Variants in SLC1A3 observed in about 807,000 individuals in gnomAD.
The protein encoded by SLC1A3 is solute carrier family 1 member 3.
Under a neutral mutation model 48.1 loss-of-function variants are expected in SLC1A3, and 21 were observed. The observed-to-expected ratio is 0.44, with a 90% CI of 0.31 to 0.63. The LOEUF (loss-of-function observed/expected upper bound fraction) is 0.63, where lower values mean the gene tolerates loss of function less well. Ranked by LOEUF, SLC1A3 falls within the 20% of genes least tolerant of loss-of-function variation. The probability of loss-of-function intolerance (pLI) is 0.08; values close to 1 mark genes in which losing one functional copy is unlikely to be tolerated. For synonymous variants in SLC1A3, 239 were observed against 251.4 expected, an observed-to-expected ratio of 0.95 and a Z score of 0.47; for missense variants, 546 against 689.0, an observed-to-expected ratio of 0.79 and a Z score of 2.32.
chr5:36,665,272 T>A (rs578044824), intron 3 of SLC1A3, among the ~76,000 whole-genome samples: 66 of 150,006 alleles, frequency 4.4e-4, no homozygotes, highest in Admixed American at 1.9e-3. Flanking sequence ...AAAACACTAA[T>A]AAGAATGGCT....
intron 2 of SLC1A3, among the ~76,000 whole-genome samples, chr5:36,615,935 C>T (rs534500586): frequency 2.0e-5 from 3 of 152,328 alleles, no homozygotes; most frequent in South Asian, 2.1e-4. Context: ...CAGTGGCTCA[C>T]GCCTGTAATC....
At chr5:36,629,409 G>C (rs571679297) in intron 2 of SLC1A3, 41 bp from the exon 3 acceptor site, 6 of 1,570,920 alleles carry the variant, frequency 3.8e-6, no homozygotes, top group South Asian at 3.4e-5. Context: ...TTTCAAAAAA[G>C]ACTCAATTTT....
chr5:36,625,196 G>A (rs957841275), intron 2 of SLC1A3, among the ~76,000 whole-genome samples: 5 of 152,226 alleles, frequency 3.3e-5, no homozygotes, highest in African/African-American at 9.7e-5. Context: ...AGTGGCTCAC[G>A]CCTGTAATCC....
At chr5:36,673,959 C>G in intron 4 of SLC1A3, 90 bp from the exon 5 acceptor site, 2 of 1,011,760 alleles carry the variant, frequency 2.0e-6, no homozygotes, top group Non-Finnish European at 3.2e-6. Context: ...TGGTTCAATG[C>G]AATCTTTACC....
At chr5:36,685,999 C>T (rs908061237) in intron 9 of SLC1A3, 66 bp from the exon 10 acceptor site, 137 of 1,321,156 alleles carry the variant, frequency 1.0e-4, no homozygotes, top group Middle Eastern at 2.3e-4. Context: ...CAGTTCCTAA[C>T]GTAAGTTGAA....
chr5:36,625,777 T>C (rs114227754), intron 2 of SLC1A3, among the ~76,000 whole-genome samples: 88 of 152,314 alleles, frequency 5.8e-4, no homozygotes, highest in African/African-American at 1.9e-3. Context: ...AGAGAAGAGA[T>C]GTCCTACTTT....
chr5:36,678,703 G>C (rs762840237), intron 6 of SLC1A3, among the ~76,000 whole-genome samples: 13 of 152,176 alleles, frequency 8.5e-5, no homozygotes, highest in Non-Finnish European at 1.9e-4. Context: ...GGGAAATCCA[G>C]GCAGCGAGGC....
upstream of SLC1A3, among the ~76,000 whole-genome samples, chr5:36,601,850 T>C (rs1278251853): frequency 1.3e-5 from 2 of 152,080 alleles, no homozygotes; most frequent in Non-Finnish European, 1.5e-5. Flanking sequence ...AGTCTTAGAA[T>C]TGGAAATGGA....
intron 2 of SLC1A3, among the ~76,000 whole-genome samples, chr5:36,621,439 T>C (rs939678100): frequency 2.6e-5 from 4 of 152,092 alleles, no homozygotes; most frequent in African/African-American, 9.7e-5. Context: ...GTCTTGGGCT[T>C]TGACTACATG....
At chr5:36,662,202 T>C (rs971501612) in intron 3 of SLC1A3, among the ~76,000 whole-genome samples, 4 of 152,220 alleles carry the variant, frequency 2.6e-5, no homozygotes, top group Non-Finnish European at 5.9e-5. Flanking sequence ...TCAGTGGTCC[T>C]GGTGCTGCTG....
intron 5 of SLC1A3, among the ~76,000 whole-genome samples, chr5:36,674,677 T>A (rs1296049258): frequency 6.6e-6 from 1 of 152,170 alleles, no homozygotes; most frequent in Non-Finnish European, 1.5e-5. Context: ...ATGGGGCAGC[T>A]CATCTATAAG....
chr5:36,633,829 C>T (rs947722292), intron 3 of SLC1A3, among the ~76,000 whole-genome samples: 1 of 152,224 alleles, frequency 6.6e-6, no homozygotes, highest in East Asian at 1.9e-4. Context: ...CCAACATACT[C>T]TTCTTCCACA....
At chr5:36,637,841 C>G (rs1006314964) in intron 3 of SLC1A3, among the ~76,000 whole-genome samples, 7 of 152,162 alleles carry the variant, frequency 4.6e-5, no homozygotes, top group Non-Finnish European at 8.8e-5. Context: ...ATTAATTGCA[C>G]TACATAGAGG....
At chr5:36,681,113 G>A (rs1742427390) in intron 8 of SLC1A3, among the ~76,000 whole-genome samples, 1 of 152,104 alleles carries the variant, frequency 6.6e-6, no homozygotes, top group African/African-American at 2.4e-5. Flanking sequence ...AAGTAAAAAG[G>A]GAAACTTGCC....
intron 4 of SLC1A3, among the ~76,000 whole-genome samples, chr5:36,671,717 G>T (rs1028109379): frequency 5.9e-5 from 9 of 152,094 alleles, no homozygotes; most frequent in Non-Finnish European, 1.2e-4. Flanking sequence ...CTGTCCCAAG[G>T]TTTTCCTTTC....
intron 3 of SLC1A3, among the ~76,000 whole-genome samples, chr5:36,653,255 C>T (rs1741157481): frequency 6.6e-6 from 1 of 152,196 alleles, no homozygotes; most frequent in Non-Finnish European, 1.5e-5. Context: ...CAGAATTGAA[C>T]AGATGCTAGG....
intron 3 of SLC1A3, chr5:36,636,045 T>TTGTTTGTGTGTG (rs71604837): frequency 3.6e-5 from 5 of 137,724 alleles, no homozygotes; most frequent in African/African-American, 1.4e-4. Context: ...AATTAAATGT[T>TTGTTTGTGTGTG]TGTGTGTGTG....
intron 3 of SLC1A3, among the ~76,000 whole-genome samples, chr5:36,650,299 T>G (rs1431591575): frequency 6.6e-6 from 1 of 152,242 alleles, no homozygotes; most frequent in East Asian, 1.9e-4. Context: ...AAGAGGATTT[T>G]TCTCCCCTTA....
intron 5 of SLC1A3, among the ~76,000 whole-genome samples, chr5:36,675,958 A>G (rs1742188434): frequency 6.6e-6 from 1 of 152,152 alleles, no homozygotes; most frequent in South Asian, 2.1e-4. Context: ...TGCTTTCCCT[A>G]CAATCACCAT....
Sources: allele counts gnomAD v4.1 joint callset (sites outside exome capture counted in the v4.1 genomes callset), GRCh38; gene constraint gnomAD v4.1.1; transcripts MANE v1.5; gene names NCBI Gene and HGNC (gene_info 2026-07-23, HGNC 2026-07-21).